Variants in ITSN1 observed in about 807,000 individuals in gnomAD.
ITSN1 encodes intersectin-1.
A neutral mutation model predicts 239.8 loss-of-function variants in ITSN1; 58 were observed. That is an observed-to-expected ratio of 0.24 (90% CI 0.20 to 0.30). The LOEUF is 0.30. Among genes scored for constraint, ITSN1 ranks in the 10% least tolerant of loss-of-function variants. The probability of loss-of-function intolerance (pLI) is 1.00; values close to 1 mark genes in which losing one functional copy is unlikely to be tolerated. For missense variants in ITSN1, 1,558 were observed against 2,103.3 expected, an observed-to-expected ratio of 0.74 and a Z score of 5.07; for synonymous variants, 780 against 770.8, an observed-to-expected ratio of 1.01 and a Z score of -0.20.
At position 33,897,791 on chromosome 21, in the gene ITSN1, T is replaced by A. The variant is rs1057069771; in HGVS notation, c.*9491T>A. On this transcript the variant is annotated 3_prime_UTR_variant, in exon 40 of 40. Transcript: ENST00000381318. Reference sequence around the variant, plus strand: ...AAGTGCATAAAACTATAGAAAAAAATTTAAAACCTATTCCAAGAGTAGAAA... The same window carrying A: ...AAGTGCATAAAACTATAGAAAAAAAATTAAAACCTATTCCAAGAGTAGAAA... The A allele has an allele frequency of 4.6e-5, 7 of 152,160 alleles. No homozygotes were observed. Among genetic ancestry groups the A allele is most frequent in the African/African-American group, 1.4e-4 (6 of 41,438 alleles). The allele number at this position is 152,160 out of a possible 1,614,324, so 9.4% of individuals were successfully genotyped here. A position where few individuals can be genotyped will look rare whatever the true frequency, so the allele number is the denominator to read the frequency against.
chr21:33,856,395 G>A (rs775042779), intron 29 of ITSN1, among the ~76,000 whole-genome samples: 8 of 152,158 alleles, frequency 5.3e-5, no homozygotes, highest in Non-Finnish European at 1.0e-4. Context: ...CTGAGGGCTC[G>A]GGGTGTGTCT....
At chr21:33,669,561 G>A (rs1368898892) in intron 1 of ITSN1, among the ~76,000 whole-genome samples, 3 of 151,184 alleles carry the variant, frequency 2.0e-5, no homozygotes, top group South Asian at 2.1e-4. Context: ...TGCCTCAGCC[G>A]CCCGATTAGC....
intron 36 of ITSN1, among the ~76,000 whole-genome samples, chr21:33,884,583 A>G (rs1321412777): frequency 6.6e-6 from 1 of 152,192 alleles, no homozygotes; most frequent in African/African-American, 2.4e-5. Flanking sequence ...GAAGGAGAAA[A>G]CCGCGGCCAC....
chr21:33,811,537 A>G (rs1489311931), intron 21 of ITSN1, among the ~76,000 whole-genome samples: 1 of 152,216 alleles, frequency 6.6e-6, no homozygotes, highest in Admixed American at 6.5e-5. Flanking sequence ...ATCTATTTTG[A>G]CATCCATGTC....
In ITSN1 at chr21:33,765,827, G is replaced by A. The variant is rs1432557532; in HGVS notation, c.789-48G>A. On this transcript the variant is annotated intron_variant, in intron 9 of 39. Coordinates refer to ENST00000381318, the MANE Select transcript of ITSN1 (RefSeq NM_003024.3). The stretch of plus-strand genomic sequence containing the variant: ...TTAAATCACTAATGAATAGTAAAAA[G>A]CATGAATTTTCATGAAACCGGATTA... 4.4e-6 allele frequency: 7 copies of A among 1,601,002 alleles called. No homozygotes were observed. The Admixed American group carries it at 5.0e-5, about 11-fold the overall frequency.
chr21:33,691,903 G>A (rs1484347349), intron 1 of ITSN1, among the ~76,000 whole-genome samples: 3 of 152,230 alleles, frequency 2.0e-5, no homozygotes, highest in African/African-American at 4.8e-5. Flanking sequence ...TTGGGGATAA[G>A]TGCTTCAGTG....
chr21:33,814,107 A>G (rs2073106383), intron 22 of ITSN1, 35 bp downstream of exon 22: 3 of 1,604,420 alleles, frequency 1.9e-6, no homozygotes, highest in Non-Finnish European at 2.6e-6. Flanking sequence ...AAGACTTAGC[A>G]TGCTATCTAG....
At chr21:33,812,297 G>A (rs1470100195) in intron 21 of ITSN1, among the ~76,000 whole-genome samples, 1 of 152,148 alleles carries the variant, frequency 6.6e-6, no homozygotes, top group Non-Finnish European at 1.5e-5. Flanking sequence ...TGTTTTGCTG[G>A]GGATCAAATC....
At chr21:33,838,357 T>C (rs2074703471) in intron 29 of ITSN1, 1 of 985,396 alleles carries the variant, frequency 1.0e-6, no homozygotes, top group Non-Finnish European at 1.2e-6. Flanking sequence ...GGACCTCTCC[T>C]CCTCGTTCAG....
rs888319043 is a variant in ITSN1, at chr21:33,672,739, G to C, written c.-33+30026G>C. ...ATTTTTTTTTTTTTTTTGAGACGGAGTCTCCTTCTGTCGCCAGGCTGGAGT... is the reference window on the plus strand; with the variant it reads ...ATTTTTTTTTTTTTTTTGAGACGGACTCTCCTTCTGTCGCCAGGCTGGAGT... On this transcript the variant is annotated intron_variant, in intron 1 of 39. Transcript: ENST00000381318. Among the ~76,000 whole-genome samples, 14 of 150,488 alleles carry C rather than the reference G, an allele frequency of 9.3e-5. No individual in the cohort carries two copies. The South Asian group carries it at 2.9e-3, about 31-fold the overall frequency.
intron 3 of ITSN1, among the ~76,000 whole-genome samples, chr21:33,722,384 A>T (rs1195296053): frequency 6.6e-6 from 1 of 152,130 alleles, no homozygotes; most frequent in Non-Finnish European, 1.5e-5. Context: ...CCTTTTTGAG[A>T]TGATTTTTTG....
chr21:33,820,695 A>G (rs547701996), intron 24 of ITSN1, among the ~76,000 whole-genome samples: 1 of 152,318 alleles, frequency 6.6e-6, no homozygotes, highest in South Asian at 2.1e-4. Flanking sequence ...CCAGCATCTA[A>G]TTTTTGCTAT....
chr21:33,697,234 A>ATTTTTTTT (rs11419453), intron 1 of ITSN1, among the ~76,000 whole-genome samples: 8 of 121,708 alleles, frequency 6.6e-5, no homozygotes, highest in Non-Finnish European at 8.2e-5. Flanking sequence ...CACCTGGCTA[A>ATTTTTTTT]TTTTTTTTTT....
At chr21:33,776,806 T>TTTTTTTTTTTTTTTTTTTTG (rs2069667149) in intron 14 of ITSN1, among the ~76,000 whole-genome samples, 1 of 152,162 alleles carries the variant, frequency 6.6e-6, no homozygotes, top group African/African-American at 2.4e-5. Context: ...TTTATATTCT[T>TTTTTTTTTTTTTTTTTTTTG]AACAAGTCCT....
At chr21:33,707,105 G>T (rs753225762) in intron 1 of ITSN1, among the ~76,000 whole-genome samples, 5 of 152,156 alleles carry the variant, frequency 3.3e-5, no homozygotes, top group Non-Finnish European at 5.9e-5. Flanking sequence ...GAATTGCTAT[G>T]TCTCTTGGGG....
At chr21:33,869,135 A>G (rs549387614) in intron 33 of ITSN1, among the ~76,000 whole-genome samples, 7 of 152,338 alleles carry the variant, frequency 4.6e-5, no homozygotes, top group East Asian at 3.9e-4. Context: ...TCAGAAGGCC[A>G]TTGTGAAACA....
intron 1 of ITSN1, among the ~76,000 whole-genome samples, chr21:33,703,990 C>A (rs936941096): frequency 1.3e-5 from 2 of 152,172 alleles, no homozygotes; most frequent in Non-Finnish European, 2.9e-5. Flanking sequence ...GGGCCAGGGA[C>A]CTCAGAGAGA....
At chr21:33,660,483 T>G (rs2089467455) in intron 1 of ITSN1, among the ~76,000 whole-genome samples, 1 of 152,188 alleles carries the variant, frequency 6.6e-6, no homozygotes, top group South Asian at 2.1e-4. Context: ...TGAAAACTGT[T>G]CACAAAACAA....
At chr21:33,773,959 C>T (rs1394728489) in intron 12 of ITSN1, among the ~76,000 whole-genome samples, 2 of 152,168 alleles carry the variant, frequency 1.3e-5, no homozygotes, top group Admixed American at 6.5e-5. Context: ...GGATTACAAG[C>T]GTGAGCCACT....
Sources: gnomAD v4.1 joint callset for allele counts (sites outside exome capture counted in the v4.1 genomes callset) on GRCh38, gnomAD v4.1.1 for gene constraint, MANE v1.5 for transcripts, NCBI Gene and HGNC (gene_info 2026-07-23, HGNC 2026-07-21) for gene names.